AGBL4: variants seen among roughly 807,000 people sequenced by gnomAD.
AGBL4 encodes cytosolic carboxypeptidase 6.
AGBL4 carries 58 observed loss-of-function variants against 66.4 expected under a neutral mutation model. That is an observed-to-expected ratio of 0.87 (90% confidence interval 0.71 to 1.09). AGBL4 has a LOEUF of 1.09. Among genes scored for constraint, AGBL4 ranks in the 50% least tolerant of loss-of-function variants. The probability of loss-of-function intolerance (pLI) is 0.00; values close to 1 mark genes in which losing one functional copy is unlikely to be tolerated. For missense variants in AGBL4, 579 were observed against 631.0 expected (o/e 0.92, Z 0.88); for synonymous variants, 234 against 222.9 (o/e 1.05, Z -0.44).
intron 2 of AGBL4, among the ~76,000 whole-genome samples, chr1:49,734,067 A>G (rs1040087360): frequency 2.6e-5 from 4 of 152,190 alleles, no homozygotes; most frequent in Non-Finnish European, 5.9e-5. Flanking sequence ...GAAAAAGCAC[A>G]GCACTACACA....
chr1:48,881,687 CT>C (rs1175787839), intron 5 of AGBL4, among the ~76,000 whole-genome samples: 1 of 152,152 alleles, frequency 6.6e-6, no homozygotes, highest in Non-Finnish European at 1.5e-5. Context: ...ACTTTTTATC[CT>C]CCCTGAGAAT....
At chr1:48,552,101 T>C (rs1202382736) in intron 11 of AGBL4, among the ~76,000 whole-genome samples, 2 of 152,222 alleles carry the variant, frequency 1.3e-5, no homozygotes. Context: ...TCTTGCTCTG[T>C]CGCTCAGGCT....
intron 5 of AGBL4, among the ~76,000 whole-genome samples, chr1:48,874,103 C>T (rs1648974785): frequency 6.6e-6 from 1 of 152,174 alleles, no homozygotes. Context: ...CAGTAATCCC[C>T]AGGCATTCTC....
rs1409250798 is a variant in AGBL4, at chr1:49,697,424, C to T, written c.171G>A (p.Arg57=). 6.6e-7 allele frequency: 1 copy of T among 1,518,418 alleles called. No homozygotes were observed. Among genetic ancestry groups the T allele is most frequent in the Admixed American group, 2.0e-5 (1 of 50,430 alleles). 94.1% of individuals were successfully genotyped at this position (1,518,418 alleles called of 1,614,324 possible). A position where few individuals can be genotyped will look rare whatever the true frequency, so the allele number is the denominator to read the frequency against. Residue 57 remains arginine, a synonymous_variant, in exon 3 of 14, where the codon CGG becomes CGA. Coordinates refer to ENST00000371839, the MANE Select transcript of AGBL4 (RefSeq NM_032785.4). The part of the protein sequence containing the change: ...DACFESGNLG[R]VDQVSEFEYD... ...ACTCAAACTCAGAGACCTGGTCCAC[C>T]CGGCCCAGGTTACCTGGTAATAAAA...
At chr1:48,719,281 TCTGGACATAGTTGCC>T (rs1043597408) in intron 6 of AGBL4, among the ~76,000 whole-genome samples, 4 of 152,156 alleles carry the variant, frequency 2.6e-5, no homozygotes, top group African/African-American at 7.2e-5. Context: ...GAGGTGCTCC[TCTGGACATAGTTGCC>T]CTGGGCACTC....
intron 5 of AGBL4, among the ~76,000 whole-genome samples, chr1:48,955,588 G>A (rs1657383118): frequency 1.3e-5 from 2 of 152,184 alleles, no homozygotes; most frequent in South Asian, 4.1e-4. Context: ...TGCAATCATA[G>A]CTCACTACAG....
chr1:49,920,535 A>C (rs1652113320), intron 1 of AGBL4, among the ~76,000 whole-genome samples: 1 of 152,340 alleles, frequency 6.6e-6, no homozygotes, highest in East Asian at 1.9e-4. Flanking sequence ...TCAAAACCAC[A>C]GTGAGATACC....
intron 13 of AGBL4, among the ~76,000 whole-genome samples, chr1:48,534,538 T>C (rs1287746591): frequency 1.3e-5 from 2 of 152,180 alleles, no homozygotes; most frequent in African/African-American, 2.4e-5. Flanking sequence ...AACTATAATA[T>C]GTGTCAGGAA....
At chr1:49,699,378 C>T (rs1208360200) in intron 2 of AGBL4, among the ~76,000 whole-genome samples, 1 of 151,940 alleles carries the variant, frequency 6.6e-6, no homozygotes, top group Non-Finnish European at 1.5e-5. Flanking sequence ...CAGTTTATGG[C>T]CTTCTGGAAA....
chr1:48,881,414 G>A (rs549248017), intron 5 of AGBL4, among the ~76,000 whole-genome samples: 2 of 152,042 alleles, frequency 1.3e-5, no homozygotes, highest in South Asian at 2.1e-4. Context: ...TGTATCTGTC[G>A]GGCATTAAGA....
chr1:48,571,009 C>A (rs1431055697), intron 11 of AGBL4, among the ~76,000 whole-genome samples: 1 of 152,108 alleles, frequency 6.6e-6, no homozygotes, highest in Non-Finnish European at 1.5e-5. Context: ...TATTGGGATC[C>A]CCATGAAGCG....
intron 3 of AGBL4, among the ~76,000 whole-genome samples, chr1:49,649,626 A>G (rs1218438747): frequency 6.6e-6 from 1 of 152,184 alleles, no homozygotes; most frequent in African/African-American, 2.4e-5. Context: ...ACCATAAATC[A>G]TTATAATCAC....
rs116441909 is a variant in AGBL4 at position 49,815,739 on chromosome 1, T to A, written c.157+35657A>T. ...AGCGTGAGATGCTATTTCATTATAG[T>A]TTTGCTTTGCATTTCTCTGATGATC... On this transcript the variant is annotated intron_variant, in intron 2 of 13. Transcript: ENST00000371839. Among the ~76,000 whole-genome samples the A allele has an allele frequency of 2.9e-3, 445 of 152,330 alleles. 4 individuals are homozygous for A. The highest frequency in any genetic ancestry group is 0.01 in the African/African-American group (433 of 41,584).
At chr1:49,402,476 T>C (rs1367047327) in intron 3 of AGBL4, among the ~76,000 whole-genome samples, 1 of 152,198 alleles carries the variant, frequency 6.6e-6, no homozygotes, top group African/African-American at 2.4e-5. Flanking sequence ...AATGTGTTTG[T>C]GTATTTTCCA....
At chr1:49,267,272 T>C (rs754282489) in intron 3 of AGBL4, among the ~76,000 whole-genome samples, 5 of 152,196 alleles carry the variant, frequency 3.3e-5, no homozygotes, top group Admixed American at 6.5e-5. Context: ...ATGTATGGTT[T>C]GTAAGATGAC....
intron 4 of AGBL4, among the ~76,000 whole-genome samples, chr1:49,152,013 A>G (rs1217713897): frequency 6.6e-6 from 1 of 152,200 alleles, no homozygotes; most frequent in Non-Finnish European, 1.5e-5. Context: ...AAAACATAAA[A>G]TGTAACATTT....
intron 1 of AGBL4, among the ~76,000 whole-genome samples, chr1:49,983,031 CT>C (rs1659199995): frequency 6.6e-6 from 1 of 152,248 alleles, no homozygotes; most frequent in African/African-American, 2.4e-5. Flanking sequence ...ATCAATAAAG[CT>C]CCTCTTTGCC....
chr1:49,631,509 A>G (rs1645568938), intron 3 of AGBL4, among the ~76,000 whole-genome samples: 1 of 152,144 alleles, frequency 6.6e-6, no homozygotes, highest in Non-Finnish European at 1.5e-5. Context: ...CTACAAGACA[A>G]TCCTCTCCAC....
intron 3 of AGBL4, among the ~76,000 whole-genome samples, chr1:49,330,816 A>G (rs887550133): frequency 7.2e-5 from 11 of 152,180 alleles, no homozygotes; most frequent in Admixed American, 6.5e-4. Context: ...GGTGGCGCTC[A>G]TGGAGAGGAA....
Sources: allele counts gnomAD v4.1 joint callset (sites outside exome capture counted in the v4.1 genomes callset), GRCh38; gene constraint gnomAD v4.1.1; transcripts MANE v1.5; gene names NCBI Gene and HGNC (gene_info 2026-07-23, HGNC 2026-07-21).